The following ZFR2 variants were observed in gnomAD, a reference collection of about 807,000 sequenced individuals.
ZFR2 encodes zinc finger RNA binding protein 2.
In ZFR2, 104 loss-of-function variants were observed where a neutral mutation model predicts 105.7. The observed-to-expected ratio is 0.98, with a 90% CI of 0.84 to 1.16. The LOEUF (loss-of-function observed/expected upper bound fraction) is 1.16, where lower values mean the gene tolerates loss of function less well. Among genes scored for constraint, ZFR2 ranks in the 50% most tolerant of loss-of-function variants. The probability of loss-of-function intolerance (pLI) is 0.00; values close to 1 mark genes in which losing one functional copy is unlikely to be tolerated. For synonymous variants in ZFR2, 634 were observed against 597.7 expected (o/e 1.06, Z -0.89); for missense variants, 1,425 against 1,355.5 (o/e 1.05, Z -0.80).
intron 10 of ZFR2, among the ~76,000 whole-genome samples, chr19:3,820,732 T>A (rs1434591270): frequency 8.3e-6 from 1 of 120,344 alleles, no homozygotes; most frequent in African/African-American, 3.2e-5. Flanking sequence ...GGACACAGGG[T>A]CATCAGGGGT....
intron 1 of ZFR2, among the ~76,000 whole-genome samples, chr19:3,861,946 A>G (rs2038379059): frequency 6.6e-6 from 1 of 152,098 alleles, no homozygotes; most frequent in African/African-American, 2.4e-5. Flanking sequence ...ATAATAAAAT[A>G]CAAAGACAAT....
intron 11 of ZFR2, 89 bp downstream of exon 11, chr19:3,820,093 G>T (rs936130617): frequency 3.1e-6 from 4 of 1,296,356 alleles, no homozygotes; most frequent in Middle Eastern, 2.0e-4. Context: ...GTGGGAGTTG[G>T]GGGGAGGCCG....
intron 1 of ZFR2, among the ~76,000 whole-genome samples, chr19:3,855,188 G>A (rs1479224964): frequency 6.6e-6 from 1 of 152,102 alleles, no homozygotes; most frequent in Non-Finnish European, 1.5e-5. Context: ...AAGCCAACGT[G>A]CCCAGCCAAG....
In ZFR2 at chr19:3,823,878, A is replaced by AC. The variant is rs1478712146; in HGVS notation, c.1214-476dup. On this transcript the variant is annotated intron_variant, in intron 7 of 18. Transcript: ENST00000262961. The surrounding 1 kb of genome is among the most constrained non-coding windows in gnomAD (Gnocchi z 5.4). ...CTAAAAATAGAATGTGGCTCCCTCG[A>AC]CCCCTGCCCACGCACAGCACGGTGG... 2.6e-5 allele frequency among the ~76,000 whole-genome samples: 4 copies of AC among 152,080 alleles called. No homozygotes were observed. Among genetic ancestry groups the AC allele is most frequent in the Non-Finnish European group, 5.9e-5 (4 of 68,012 alleles).
intron 12 of ZFR2, 99 bp downstream of exon 12, chr19:3,818,946 G>C (rs1387545620): frequency 2.1e-6 from 3 of 1,433,684 alleles, no homozygotes; most frequent in Non-Finnish European, 9.3e-7. Context: ...GACGGCTCCA[G>C]GCCCATCAGA....
rs569720555 is a variant in ZFR2, at chr19:3,855,275, G to A, written c.53+13690C>T. On this transcript the variant is annotated intron_variant, in intron 1 of 18. Coordinates refer to ENST00000262961, the MANE Select transcript of ZFR2 (RefSeq NM_015174.2). The stretch of plus-strand genomic sequence containing the variant: ...GCATGGAAAATCATTTGCATTTTCA[G>A]AACAAAGGAGGCCATCTTCTGGCTA... The A allele has an allele frequency of 3.1e-5, 25 of 800,788 alleles. No individual in the cohort carries two copies. In the African/African-American group the frequency reaches 3.8e-4, roughly 12 times the overall value. The allele number at this position is 800,788 out of a possible 1,614,324, so 49.6% of individuals were successfully genotyped here.
rs1371529287 is a variant in ZFR2, at chr19:3,825,516, C to A, written c.1036-109G>T. ...GGCGTGCAGCGCGAGTGTGGGCTGG[C>A]CGGTCCCAGGGACCCCCCTCTCTTC... On this transcript the variant is annotated intron_variant, in intron 6 of 18. Transcript: ENST00000262961. 5.0e-6 allele frequency: 7 copies of A among 1,387,410 alleles called. No individual in the cohort carries two copies. The South Asian group carries it at 6.9e-5, about 14-fold the overall frequency. The allele number at this position is 1,387,410 out of a possible 1,614,324, so 85.9% of individuals were successfully genotyped here.
Position 3,834,809 on chromosome 19 carries a change from C to T in ZFR2, c.228G>A (p.Glu76=), listed in dbSNP as rs1178159263. Residue 76 remains glutamate (E), a synonymous_variant, in exon 2 of 19, where the codon GAG becomes GAA. Transcript: ENST00000262961. The surrounding 1 kb of genome is among the most constrained non-coding windows in gnomAD (Gnocchi z 5.3). The part of the protein sequence containing the change: ...QDFAYGSRPQ[E]PVPTATTMAT... ...CCATGGTGGTGGCCGTGGGGACGGG[C>T]TCCTGGGGTCGGCTGCCGTAGGCGA... is the stretch of plus-strand genomic sequence containing the variant. 8.1e-6 allele frequency: 13 copies of T among 1,612,146 alleles called. No individual in the cohort carries two copies. In the Admixed American group the frequency reaches 1.8e-4, roughly 23 times the overall value.
At position 3,811,357 on chromosome 19, in the gene ZFR2, T is replaced by C; in HGVS notation, c.2252A>G (p.Glu751Gly). Reference sequence around the variant, plus strand: ...GACATCACCTGCATCAGCCTGAGGCTCCTCCACACCTTCTAGAAGAAAAAC... The same window carrying C: ...GACATCACCTGCATCAGCCTGAGGCCCCTCCACACCTTCTAGAAGAAAAAC... Reference protein sequence around the residue: ...EDPSTDPGVEEPQADAGDVLS... With the variant: ...EDPSTDPGVEGPQADAGDVLS... The change falls in exon 15 of 19, where the codon GAG becomes GGG. Residue 751 changes from glutamate to glycine, a missense_variant. Physicochemically the swap from Glu to Gly is moderately conservative, Grantham distance 98. Transcript: ENST00000262961. The C allele has an allele frequency of 6.3e-7, 1 of 1,594,362 alleles. No individual in the cohort carries two copies. Among genetic ancestry groups the C allele is most frequent in the Non-Finnish European group, 8.5e-7 (1 of 1,171,518 alleles).
rs142403076 is a variant in ZFR2, at chr19:3,816,343, T to G, written c.2103+331A>C. 2.2e-3 allele frequency among the ~76,000 whole-genome samples: 332 copies of G among 151,870 alleles called. 2 individuals carry two copies. Among genetic ancestry groups the G allele is most frequent in the African/African-American group, 7.7e-3 (317 of 41,360 alleles). On this transcript the variant is annotated intron_variant, in intron 13 of 18. Transcript: ENST00000262961. ...TCAGTGCAACCTCTGCCTCCGGGAT[T>G]TAAGTGATTCTCCCACTTCAGCCTC...
chr19:3,864,178 C>T (rs2038404796), intron 1 of ZFR2, among the ~76,000 whole-genome samples: 1 of 152,148 alleles, frequency 6.6e-6, no homozygotes, highest in East Asian at 1.9e-4. Flanking sequence ...GAGGCCGGTT[C>T]AAGACCAGCC....
intron 1 of ZFR2, among the ~76,000 whole-genome samples, chr19:3,862,769 G>A (rs1395030019): frequency 1.3e-5 from 2 of 152,164 alleles, no homozygotes; most frequent in African/African-American, 2.4e-5. Context: ...GCTGCCTCTC[G>A]GATTCTCTTC....
rs1001946488 is a variant in ZFR2, at chr19:3,838,150, C to T, written c.54-3167G>A. Reference sequence around the variant, plus strand: ...CGTGACTGTGACACACAATGAACACCGTGACTGTGACACTCGATGAACACC... The same window carrying T: ...CGTGACTGTGACACACAATGAACACTGTGACTGTGACACTCGATGAACACC... On this transcript the variant is annotated intron_variant, in intron 1 of 18. Transcript: ENST00000262961. The surrounding 1 kb of genome is among the most constrained non-coding windows in gnomAD (Gnocchi z 4.9). Among the ~76,000 whole-genome samples the T allele has an allele frequency of 5.9e-5, 9 of 151,616 alleles. No individual in the cohort carries two copies. Among genetic ancestry groups the T allele is most frequent in the African/African-American group, 2.2e-4 (9 of 41,228 alleles).
chr19:3,844,965 G>T (rs1423454463), intron 1 of ZFR2, among the ~76,000 whole-genome samples: 1 of 152,144 alleles, frequency 6.6e-6, no homozygotes, highest in African/African-American at 2.4e-5. Context: ...TGCCCCAGGT[G>T]GTCATGGCCA....
At chr19:3,852,246 C>A (rs770937024) in intron 1 of ZFR2, 6 of 569,378 alleles carry the variant, frequency 1.1e-5, no homozygotes, top group South Asian at 2.0e-5. Context: ...CTGGATGGCT[C>A]TCCTGGCCAG....
chr19:3,850,269 G>A (rs12609157), intron 1 of ZFR2, among the ~76,000 whole-genome samples: 21,869 of 152,012 alleles, frequency 0.14, 1,918 homozygotes, highest in Admixed American at 0.25. Flanking sequence ...TGAGAGGAGC[G>A]TGGGAGAAAT....
Position 3,831,399 on chromosome 19 carries a change from TGGC to T in ZFR2, c.753_755del (p.Pro253del). 6.4e-7 allele frequency: 1 copy of T among 1,555,820 alleles called. No individual in the cohort carries two copies. The highest frequency in any genetic ancestry group is 8.7e-7 in the Non-Finnish European group (1 of 1,151,786). The stretch of plus-strand genomic sequence containing the variant: ...GTCTCGGCAGCTTGCTGGGAAGCGG[TGGC>T]TTCGAGTCGGCCCTGGGGCTGCTTC... On this transcript the variant is annotated inframe_deletion, in exon 5 of 19. Transcript: ENST00000262961.
At chr19:3,806,160 C>T in intron 18 of ZFR2, 35 bp from the exon 19 acceptor site, 1 of 1,400,136 alleles carries the variant, frequency 7.1e-7, no homozygotes. Context: ...GGACCCCCGC[C>T]CGCTCTGCTC....
At chr19:3,855,333 A>C in intron 1 of ZFR2, 2 of 1,225,608 alleles carry the variant, frequency 1.6e-6, no homozygotes, top group Non-Finnish European at 2.0e-6. Context: ...AGGCCTTCTG[A>C]GGCACCATTT....
Sources: gnomAD v4.1 joint callset for allele counts (sites outside exome capture counted in the v4.1 genomes callset) on GRCh38, gnomAD v4.1.1 for gene constraint, Gnocchi (gnomAD v3.1) non-coding constraint, MANE v1.5 for transcripts, NCBI Gene and HGNC (gene_info 2026-07-23, HGNC 2026-07-21) for gene names.